Variants in KIAA0825 observed in about 807,000 individuals in gnomAD.
The protein encoded by KIAA0825 is KIAA0825, also known as uncharacterized protein KIAA0825.
A neutral mutation model predicts 147.6 loss-of-function variants in KIAA0825; 119 were observed. The ratio of observed to expected loss-of-function variants is 0.81; its 90% CI spans 0.69 to 0.94. The LOEUF (loss-of-function observed/expected upper bound fraction) is 0.94, where lower values mean the gene tolerates loss of function less well. Ranked by LOEUF, KIAA0825 falls within the 40% of genes least tolerant of loss-of-function variation. KIAA0825 has a pLI of 0.00. For missense variants in KIAA0825, 1,381 were observed against 1,472.7 expected (o/e 0.94, Z 1.02); for synonymous variants, 470 against 518.1 (o/e 0.91, Z 1.26).
chr5:94,599,994 CAATTTT>C (rs1786076169), intron 1 of KIAA0825, among the ~76,000 whole-genome samples: 1 of 152,128 alleles, frequency 6.6e-6, no homozygotes, highest in South Asian at 2.1e-4. Flanking sequence ...ATAAATAACT[CAATTTT>C]AAAATGGCCA....
rs781476998 is a variant in KIAA0825 at position 94,396,089 on chromosome 5, A to G, written c.3296+12T>C. Reference sequence around the variant, plus strand: ...TTTGATGAAATCCAATAAGAGAAAAACATCACTTTACCATTCAGTGCTCAG... The same window carrying G: ...TTTGATGAAATCCAATAAGAGAAAAGCATCACTTTACCATTCAGTGCTCAG... On this transcript the variant is annotated intron_variant, in intron 17 of 20. Coordinates refer to ENST00000682413, the MANE Select transcript of KIAA0825 (RefSeq NM_001145678.3). 5 of 1,424,964 alleles carry G rather than the reference A, an allele frequency of 3.5e-6. No homozygotes were observed. In the South Asian group the frequency reaches 8.3e-5, roughly 24 times the overall value. The allele number at this position is 1,424,964 out of a possible 1,614,324, so 88.3% of individuals were successfully genotyped here.
rs1200960773 is a variant in KIAA0825, at chr5:94,596,093, T to C, written c.-152-13510A>G. Among the ~76,000 whole-genome samples, 3 of 152,346 alleles carry C rather than the reference T, an allele frequency of 2.0e-5. No homozygotes were observed. The East Asian group carries it at 5.8e-4, about 29-fold the overall frequency. On this transcript the variant is annotated intron_variant, in intron 1 of 20. Coordinates refer to ENST00000682413, the MANE Select transcript of KIAA0825 (RefSeq NM_001145678.3). ...TTTGCTGTGCAGAAGCTCTTAAGTT[T>C]AATTAGGTACTATTTGTCAATTTTT...
At chr5:94,415,776 A>T (rs976984511) in intron 15 of KIAA0825, 3 of 152,208 alleles carry the variant, frequency 2.0e-5, no homozygotes, top group African/African-American at 2.4e-5. Flanking sequence ...GAGAGATGTC[A>T]AATTAGGAGC....
At chr5:94,237,427 A>C (rs1287947776) in intron 20 of KIAA0825, among the ~76,000 whole-genome samples, 1 of 152,184 alleles carries the variant, frequency 6.6e-6, no homozygotes, top group Non-Finnish European at 1.5e-5. Context: ...AAAGGCTGCA[A>C]TGAGGGTGCA....
At chr5:94,432,743 A>C (rs1435514474) in intron 14 of KIAA0825, among the ~76,000 whole-genome samples, 1 of 152,156 alleles carries the variant, frequency 6.6e-6, no homozygotes, top group Non-Finnish European at 1.5e-5. Flanking sequence ...CACACTTGCA[A>C]AACAAAACAC....
chr5:94,279,434 T>C (rs1562347073), intron 20 of KIAA0825, among the ~76,000 whole-genome samples: 1 of 152,048 alleles, frequency 6.6e-6, no homozygotes, highest in African/African-American at 2.4e-5. Context: ...CAAAATACCA[T>C]GGTAAGAGGA....
intron 20 of KIAA0825, among the ~76,000 whole-genome samples, chr5:94,160,150 T>C (rs1767415426): frequency 6.6e-6 from 1 of 152,136 alleles, no homozygotes; most frequent in Non-Finnish European, 1.5e-5. Flanking sequence ...GTTCTGTACA[T>C]GTGAGCTTTT....
chr5:94,212,258 C>A (rs557243543), intron 20 of KIAA0825, among the ~76,000 whole-genome samples: 9 of 152,216 alleles, frequency 5.9e-5, no homozygotes, highest in South Asian at 4.1e-4. Context: ...CGATCGAATT[C>A]TTCAAAGTGA....
chr5:94,258,833 T>A (rs1174011786), intron 20 of KIAA0825, among the ~76,000 whole-genome samples: 1 of 152,022 alleles, frequency 6.6e-6, no homozygotes, highest in Non-Finnish European at 1.5e-5. Flanking sequence ...TTCTATATGC[T>A]GTAAATGCTA....
intron 20 of KIAA0825, among the ~76,000 whole-genome samples, chr5:94,246,467 T>G (rs1235228522): frequency 6.6e-6 from 1 of 152,056 alleles, no homozygotes; most frequent in African/African-American, 2.4e-5. Flanking sequence ...CGTGTGTGCC[T>G]TGGGAGAGTG....
At chr5:94,516,678 C>T (rs1186032678) in intron 5 of KIAA0825, among the ~76,000 whole-genome samples, 1 of 129,546 alleles carries the variant, frequency 7.7e-6, no homozygotes, top group African/African-American at 3.0e-5. Flanking sequence ...GTAGTCCCAG[C>T]TACTCGGGAG....
intron 3 of KIAA0825, among the ~76,000 whole-genome samples, chr5:94,525,645 C>A (rs1440539076): frequency 2.0e-5 from 3 of 151,888 alleles, no homozygotes; most frequent in Non-Finnish European, 2.9e-5. Context: ...GACTCTTTAT[C>A]AAAGGTTTTT....
chr5:94,496,327 G>A (rs1764348789), intron 5 of KIAA0825, among the ~76,000 whole-genome samples: 1 of 152,212 alleles, frequency 6.6e-6, no homozygotes. Context: ...TGGCTACTCT[G>A]CGCTACAATG....
At chr5:94,248,412 C>A (rs1021581627) in intron 20 of KIAA0825, among the ~76,000 whole-genome samples, 2 of 152,220 alleles carry the variant, frequency 1.3e-5, no homozygotes, top group African/African-American at 4.8e-5. Flanking sequence ...ACTTAGTAAT[C>A]ACTTGGCAAA....
chr5:94,256,039 G>A (rs1455987397), intron 20 of KIAA0825, among the ~76,000 whole-genome samples: 1 of 151,974 alleles, frequency 6.6e-6, no homozygotes, highest in African/African-American at 2.4e-5. Context: ...GTAAGTTAAA[G>A]TATACCTGTA....
intron 20 of KIAA0825, among the ~76,000 whole-genome samples, chr5:94,278,596 G>A (rs1375347698): frequency 6.6e-6 from 1 of 152,026 alleles, no homozygotes; most frequent in Non-Finnish European, 1.5e-5. Flanking sequence ...TCTTAGTCAG[G>A]TACCCTGAGT....
chr5:94,607,637 A>AC (rs1787740511), intron 1 of KIAA0825, among the ~76,000 whole-genome samples: 1 of 152,112 alleles, frequency 6.6e-6, no homozygotes, highest in Admixed American at 6.6e-5. Context: ...AAACAAACAA[A>AC]AAACAAGAAG....
intron 5 of KIAA0825, among the ~76,000 whole-genome samples, chr5:94,489,679 A>G (rs894236491): frequency 2.0e-5 from 3 of 151,716 alleles, no homozygotes; most frequent in Non-Finnish European, 2.9e-5. Context: ...TGAGGTCAGG[A>G]GTTCGAGATC....
rs776118780 is a variant in KIAA0825 at position 94,403,579 on chromosome 5, T to A, written c.2877A>T (p.Glu959Asp). The A allele has an allele frequency of 6.4e-7, 1 of 1,551,238 alleles. No individual in the cohort carries two copies. The highest frequency in any genetic ancestry group is 8.7e-7 in the Non-Finnish European group (1 of 1,146,688). Residue 959 changes from glutamate to aspartate, a missense_variant, in exon 16 of 21, where the codon GAA (glutamate) becomes GAT (aspartate). By Grantham distance (45) the Glu-to-Asp change is conservative (BLOSUM62 2). Coordinates refer to ENST00000682413, the MANE Select transcript of KIAA0825 (RefSeq NM_001145678.3). ...NYSPKETNRKESCKSFTRLTA... is the reference protein window; with the variant it reads ...NYSPKETNRKDSCKSFTRLTA... ...AACAAGTGTACTTACTTTTGCATGA[T>A]TCTTTCCTGTTAGTTTCTTTTGGAC... is the stretch of plus-strand genomic sequence containing the variant.
Sources: allele counts gnomAD v4.1 joint callset (sites outside exome capture counted in the v4.1 genomes callset), GRCh38; gene constraint gnomAD v4.1.1; transcripts MANE v1.5; gene names NCBI Gene and HGNC (gene_info 2026-07-23, HGNC 2026-07-21).